FIGLA: variants seen among roughly 807,000 people sequenced by gnomAD.
FIGLA encodes the protein factor in the germline alpha.
Under a neutral mutation model 21.5 loss-of-function variants are expected in FIGLA, and 17 were observed. That is an observed-to-expected ratio of 0.79 (90% CI 0.54 to 1.19). The LOEUF is 1.19. Ranked by LOEUF, FIGLA falls within the 50% of genes most tolerant of loss-of-function variation. FIGLA has a pLI of 0.00. For missense variants in FIGLA, 282 were observed against 285.0 expected (o/e 0.99, Z 0.08); for synonymous variants, 129 against 117.6 (o/e 1.10, Z -0.63).
At chr2:70,790,299 A>G in intron 1 of FIGLA, 109 bp downstream of exon 1, 2 of 1,198,484 alleles carry the variant, frequency 1.7e-6, no homozygotes, top group South Asian at 1.8e-5. Context: ...GGGAGCTCGA[A>G]GTCGCCTCGA....
At chr2:70,777,571 C>A in intron 4 of FIGLA, 66 bp downstream of exon 4, 1 of 1,568,052 alleles carries the variant, frequency 6.4e-7, no homozygotes, top group Admixed American at 1.9e-5. Context: ...ATGGAATTAG[C>A]ACTCTTATTA....
chr2:70,782,637 T>C (rs1322046388), intron 3 of FIGLA, among the ~76,000 whole-genome samples: 2 of 152,248 alleles, frequency 1.3e-5, no homozygotes, highest in Non-Finnish European at 2.9e-5. Context: ...ATGTCCTGTT[T>C]GTAAGAAATG....
Position 70,777,348 on chromosome 2 carries a change from C to A in FIGLA, c.*19G>T. Reference sequence around the variant, plus strand: ...GCATTTATTTGTCTCTAGAAGGTAACCCTGGGCCTTTTCATTTTTCATACT... The same window carrying A: ...GCATTTATTTGTCTCTAGAAGGTAAACCTGGGCCTTTTCATTTTTCATACT... On this transcript the variant is annotated 3_prime_UTR_variant, in exon 5 of 5. Coordinates refer to ENST00000332372, the MANE Select transcript of FIGLA (RefSeq NM_001004311.3). 2.0e-6 allele frequency: 3 copies of A among 1,479,502 alleles called. No homozygotes were observed. The highest frequency in any genetic ancestry group is 2.5e-5 in the East Asian group (1 of 40,194). 91.6% of individuals were successfully genotyped at this position (1,479,502 alleles called of 1,614,324 possible). A position where few individuals can be genotyped will look rare whatever the true frequency, so the allele number is the denominator to read the frequency against.
intron 3 of FIGLA, among the ~76,000 whole-genome samples, chr2:70,781,855 G>A (rs1433871151): frequency 2.0e-5 from 3 of 152,140 alleles, no homozygotes; most frequent in Non-Finnish European, 4.4e-5. Context: ...TGATGGAACA[G>A]TTCTGCATCT....
intron 3 of FIGLA, among the ~76,000 whole-genome samples, chr2:70,779,599 T>A (rs1286938966): frequency 2.0e-5 from 3 of 152,126 alleles, no homozygotes; most frequent in African/African-American, 7.2e-5. Flanking sequence ...GAGTCTACCA[T>A]CCACACAGGA....
At chr2:70,784,460 A>C (rs1675910212) in intron 3 of FIGLA, among the ~76,000 whole-genome samples, 1 of 152,212 alleles carries the variant, frequency 6.6e-6, no homozygotes, top group African/African-American at 2.4e-5. Flanking sequence ...TCTTATATAC[A>C]AGGTAGGTAC....
At chr2:70,777,559 T>C in intron 4 of FIGLA, 78 bp downstream of exon 4, 1 of 1,554,554 alleles carries the variant, frequency 6.4e-7, no homozygotes, top group Non-Finnish European at 8.7e-7. Context: ...GCTAAGAATG[T>C]GATGGAATTA....
intron 4 of FIGLA, 98 bp from the exon 5 acceptor site, chr2:70,777,480 C>G: frequency 7.4e-7 from 1 of 1,342,868 alleles, no homozygotes; most frequent in Non-Finnish European, 1.0e-6. Context: ...TATTAGTAAT[C>G]AAAGATGTTT....
intron 3 of FIGLA, among the ~76,000 whole-genome samples, chr2:70,784,080 C>T (rs781945250): frequency 7.5e-4 from 113 of 151,418 alleles, no homozygotes; most frequent in Non-Finnish European, 1.1e-3. Context: ...GACTGGCCAG[C>T]GAAATCTTAT....
In FIGLA at chr2:70,777,338, T is replaced by C. The variant is rs1426250298; in HGVS notation, c.*29A>G. Reference sequence around the variant, plus strand: ...TTTCAAGACTGCATTTATTTGTCTCTAGAAGGTAACCCTGGGCCTTTTCAT... The same window carrying C: ...TTTCAAGACTGCATTTATTTGTCTCCAGAAGGTAACCCTGGGCCTTTTCAT... On this transcript the variant is annotated 3_prime_UTR_variant, in exon 5 of 5. Coordinates refer to ENST00000332372, the MANE Select transcript of FIGLA (RefSeq NM_001004311.3). 2 of 1,453,202 alleles carry C rather than the reference T, an allele frequency of 1.4e-6. No homozygotes were observed. Among genetic ancestry groups the C allele is most frequent in the Admixed American group, 2.6e-5 (1 of 38,986 alleles). The allele number at this position is 1,453,202 out of a possible 1,614,324, so 90.0% of individuals were successfully genotyped here.
At chr2:70,786,617 A>G (rs1345696151) in intron 2 of FIGLA, among the ~76,000 whole-genome samples, 1 of 152,066 alleles carries the variant, frequency 6.6e-6, no homozygotes, top group African/African-American at 2.4e-5. Flanking sequence ...TTCTAGGTTA[A>G]ATGGACTTGA....
chr2:70,787,569 A>G, intron 2 of FIGLA, 80 bp downstream of exon 2: 1 of 1,350,108 alleles, frequency 7.4e-7, no homozygotes, highest in Non-Finnish European at 1.0e-6. Flanking sequence ...GTATACATAT[A>G]TCACTTGGCA....
At chr2:70,783,281 G>A (rs1232569232) in intron 3 of FIGLA, among the ~76,000 whole-genome samples, 1 of 152,096 alleles carries the variant, frequency 6.6e-6, no homozygotes, top group Non-Finnish European at 1.5e-5. Context: ...AACAAACTTG[G>A]TTGGCTAAAA....
intron 3 of FIGLA, among the ~76,000 whole-genome samples, chr2:70,782,535 G>C (rs1553389251): frequency 6.6e-6 from 1 of 152,212 alleles, no homozygotes; most frequent in African/African-American, 2.4e-5. Flanking sequence ...GAGACTACTG[G>C]TGAAACTTGA....
Position 70,785,445 on chromosome 2 carries a change from C to T in FIGLA, c.579G>A (p.Thr193=), listed in dbSNP as rs200056101. Residue 193 remains threonine, a synonymous_variant, in exon 3 of 5, where the codon ACG becomes ACA. Coordinates refer to ENST00000332372, the MANE Select transcript of FIGLA (RefSeq NM_001004311.3). The stretch of plus-strand genomic sequence containing the variant: ...TTCTGGTTGGGGAGATAATTTCAGT[C>T]GTAGACATCACACTGTGGCGACAAG... ...AHACRHSVMS[T]TEIISPTRSL... 3.2e-5 allele frequency: 52 copies of T among 1,613,630 alleles called. No homozygotes were observed. The highest frequency in any genetic ancestry group is 5.5e-5 in the South Asian group (5 of 91,036).
chr2:70,787,609 A>G, intron 2 of FIGLA, 40 bp downstream of exon 2: 1 of 1,540,414 alleles, frequency 6.5e-7, no homozygotes, highest in Non-Finnish European at 8.8e-7. Flanking sequence ...AAGGCCTAAT[A>G]AATGGTGGCT....
chr2:70,785,982 C>CCA (rs1675948866), intron 2 of FIGLA, among the ~76,000 whole-genome samples: 1 of 152,216 alleles, frequency 6.6e-6, no homozygotes, highest in Admixed American at 6.5e-5. Context: ...CAAAACCCAA[C>CCA]CATCCAGTTT....
rs148343860 is a variant in FIGLA at position 70,783,858 on chromosome 2, C to T, written c.609+1557G>A. ...CTGGGACTACAGGTGCCCGCCACCACGCCTGATTTTTAGTAGCAATGGCGT... is the reference window on the plus strand; with the variant it reads ...CTGGGACTACAGGTGCCCGCCACCATGCCTGATTTTTAGTAGCAATGGCGT... On this transcript the variant is annotated intron_variant, in intron 3 of 4. Transcript: ENST00000332372. Among the ~76,000 whole-genome samples, 790 of 152,152 alleles carry T rather than the reference C, an allele frequency of 5.2e-3. 10 individuals are homozygous for T. Among genetic ancestry groups the T allele is most frequent in the African/African-American group, 0.018 (745 of 41,506 alleles).
In FIGLA at chr2:70,790,622, C is replaced by T; in HGVS notation, c.17G>A (p.Gly6Asp). ...CGGCGCGGCGCGGGGATCTAGGACG[C>T]CGGGCGCGGGGTCCATGGCAGGGCC... MDPAP[G>D]VLDPRAAPPA... is the part of the protein sequence containing the mutation. Residue 6 changes from glycine (G) to aspartate (D), a missense_variant, in exon 1 of 5, where the codon GGC (glycine) becomes GAC (aspartate). Gly to Asp is a moderately conservative substitution (Grantham distance 94). Coordinates refer to ENST00000332372, the MANE Select transcript of FIGLA (RefSeq NM_001004311.3). 7.0e-7 allele frequency: 1 copy of T among 1,421,168 alleles called. No individual in the cohort carries two copies. The highest frequency in any genetic ancestry group is 9.1e-7 in the Non-Finnish European group (1 of 1,094,084). The allele number at this position is 1,421,168 out of a possible 1,614,324, so 88.0% of individuals were successfully genotyped here.
Sources: allele counts gnomAD v4.1 joint callset (sites outside exome capture counted in the v4.1 genomes callset), GRCh38; gene constraint gnomAD v4.1.1; transcripts MANE v1.5; gene names NCBI Gene and HGNC (gene_info 2026-07-23, HGNC 2026-07-21).